The following SLC5A10 variants were observed in gnomAD, a reference collection of about 807,000 sequenced individuals.
The protein encoded by SLC5A10 is solute carrier family 5 member 10, also known as sodium/mannose cotransporter SLC5A10.
A neutral mutation model predicts 68.9 loss-of-function variants in SLC5A10; 55 were observed. That is an observed-to-expected ratio of 0.80 (90% CI 0.64 to 1.00). The LOEUF is 1.00. SLC5A10 is among the 50% of genes least tolerant of loss of function. SLC5A10 has a pLI of 0.00. For missense variants in SLC5A10, 732 were observed against 819.3 expected (o/e 0.89, Z 1.30); for synonymous variants, 344 against 344.8 (o/e 1.00, Z 0.02).
chr17:18,999,008 G>A (rs1347050903), intron 9 of SLC5A10, among the ~76,000 whole-genome samples: 3 of 152,210 alleles, frequency 2.0e-5, no homozygotes, highest in South Asian at 2.1e-4. Context: ...TGCCAGGCAC[G>A]GTGGCTCATG....
chr17:19,016,265 C>T (rs2152159100), intron 11 of SLC5A10, among the ~76,000 whole-genome samples: 1 of 152,198 alleles, frequency 6.6e-6, no homozygotes, highest in South Asian at 2.1e-4. Context: ...AGGCTGGTCT[C>T]GAACTCCTGA....
intron 9 of SLC5A10, among the ~76,000 whole-genome samples, chr17:18,994,877 T>G (rs1054904856): frequency 6.6e-6 from 1 of 152,226 alleles, no homozygotes; most frequent in African/African-American, 2.4e-5. Context: ...ATCTATGTTC[T>G]ATTGTTTATA....
At chr17:19,015,245 G>A (rs1359516628) in intron 11 of SLC5A10, 46 bp downstream of exon 11, 3 of 1,147,100 alleles carry the variant, frequency 2.6e-6, no homozygotes, top group South Asian at 2.8e-5. Context: ...CACTACAAGG[G>A]TGGGCGCCCG....
chr17:18,952,157 T>G, upstream of SLC5A10: 1 of 1,581,720 alleles, frequency 6.3e-7, no homozygotes, highest in Non-Finnish European at 8.6e-7. Flanking sequence ...TGACCTGGTT[T>G]GCCCCTCAGT....
chr17:19,002,048 T>G (rs1412068444), intron 9 of SLC5A10, among the ~76,000 whole-genome samples: 1 of 152,174 alleles, frequency 6.6e-6, no homozygotes, highest in Non-Finnish European at 1.5e-5. Context: ...TCAGCAGCAC[T>G]TCCTCCACAC....
chr17:18,979,604 G>A, intron 9 of SLC5A10: 1 of 1,613,566 alleles, frequency 6.2e-7, no homozygotes, highest in Non-Finnish European at 8.5e-7. Context: ...TTCTGGGCCA[G>A]GGCACCCTTG....
rs761410107 is a variant in SLC5A10 at position 18,976,866 on chromosome 17, C to A, written c.859C>A (p.Arg287=). ...YWCTDQVIVQ[R]SLSARDLNHA... is the part of the protein sequence containing the mutation. ...ACTCCACCCCCAGGTCATCGTGCAG[C>A]GATCACTGTCAGCCCGGGACCTGAA... is the stretch of plus-strand genomic sequence containing the variant. Residue 287 remains arginine, a synonymous_variant, in exon 9 of 15, where the codon CGA becomes AGA. Transcript: ENST00000395645. 1 of 1,613,418 alleles carries A rather than the reference C, an allele frequency of 6.2e-7. No individual in the cohort carries two copies. Among genetic ancestry groups the A allele is most frequent in the Admixed American group, 1.7e-5 (1 of 60,014 alleles).
intron 1 of SLC5A10, among the ~76,000 whole-genome samples, chr17:18,955,985 G>C (rs541608537): frequency 6.6e-6 from 1 of 152,040 alleles, no homozygotes; most frequent in African/African-American, 2.4e-5. Flanking sequence ...ACCTGAGGTC[G>C]GGAGTCCAAG....
chr17:19,009,029 T>A (rs927614896), intron 9 of SLC5A10, among the ~76,000 whole-genome samples: 1 of 150,390 alleles, frequency 6.6e-6, no homozygotes, highest in African/African-American at 2.5e-5. Flanking sequence ...CCCAGGCTGG[T>A]CTCAAACTCC....
chr17:19,021,884 C>T lies in SLC5A10; in HGVS notation c.*1453C>T, dbSNP rs1421474548. The T allele has an allele frequency of 1.1e-5, 15 of 1,389,462 alleles. No individual in the cohort carries two copies. Among genetic ancestry groups the T allele is most frequent in the South Asian group, 7.8e-5 (5 of 63,954 alleles). 86.1% of individuals were successfully genotyped at this position (1,389,462 alleles called of 1,614,324 possible). A position where few individuals can be genotyped will look rare whatever the true frequency, so the allele number is the denominator to read the frequency against. ...TGAGCCCCGTGTGACTCTGACAGAG[C>T]TGGGGGTGTCCATGTCCTCTCTGGA... On this transcript the variant is annotated 3_prime_UTR_variant, in exon 15 of 15. Transcript: ENST00000395645. The surrounding 1 kb of genome is among the most constrained non-coding windows in gnomAD (Gnocchi z 4.1).
intron 1 of SLC5A10, 148 bp downstream of exon 1, chr17:18,952,464 T>C: frequency 1.0e-6 from 1 of 970,762 alleles, no homozygotes; most frequent in Non-Finnish European, 1.5e-6. Context: ...CAGCCTGGGG[T>C]AGACTTGCTT....
Position 19,003,435 on chromosome 17 carries a change from C to G in SLC5A10, c.983-9975C>G. ...TCCCTAGAAGCCCATGTTGGGCTCC[C>G]GTTTTGGGCTCTGAGTGAGCCTGTA... On this transcript the variant is annotated intron_variant, in intron 9 of 14. Coordinates refer to ENST00000395645, the MANE Select transcript of SLC5A10 (RefSeq NM_001042450.4). This position sits in a 1 kb window ranked among gnomAD's most constrained non-coding sequence, Gnocchi z 4.5. 1 of 1,390,530 alleles carries G rather than the reference C, an allele frequency of 7.2e-7. No homozygotes were observed. The highest frequency in any genetic ancestry group is 9.4e-7 in the Non-Finnish European group (1 of 1,059,148). 86.1% of individuals were successfully genotyped at this position (1,390,530 alleles called of 1,614,324 possible). A position where few individuals can be genotyped will look rare whatever the true frequency, so the allele number is the denominator to read the frequency against.
rs1363351134 is a variant in SLC5A10 at position 19,015,255 on chromosome 17, G to A, written c.1241+56G>A. 1.2e-5 allele frequency: 15 copies of A among 1,216,536 alleles called. No individual in the cohort carries two copies. The East Asian group carries it at 1.5e-4, about 12-fold the overall frequency. 75.4% of individuals were successfully genotyped at this position (1,216,536 alleles called of 1,614,324 possible). A position where few individuals can be genotyped will look rare whatever the true frequency, so the allele number is the denominator to read the frequency against. ...GGGAACACTACAAGGGTGGGCGCCC[G>A]CACTGACTTTGAGGGATGAGCCGGA... On this transcript the variant is annotated intron_variant, in intron 11 of 14. Transcript: ENST00000395645.
chr17:18,961,219 A>C (rs1247568423), intron 5 of SLC5A10, among the ~76,000 whole-genome samples: 1 of 152,160 alleles, frequency 6.6e-6, no homozygotes, highest in African/African-American at 2.4e-5. Flanking sequence ...AGGGAAACTA[A>C]GGCCCAGAGA....
intron 11 of SLC5A10, among the ~76,000 whole-genome samples, chr17:19,015,982 A>G (rs955441111): frequency 2.6e-5 from 4 of 151,454 alleles, no homozygotes; most frequent in East Asian, 1.9e-4. Context: ...ACTGTACCCA[A>G]TGTGTAGTCT....
At chr17:19,002,407 G>A (rs572355102) in intron 9 of SLC5A10, among the ~76,000 whole-genome samples, 9 of 152,312 alleles carry the variant, frequency 5.9e-5, no homozygotes, top group African/African-American at 1.4e-4. Context: ...CTTGACCCAC[G>A]TCTGGTTTCT....
chr17:19,001,985 G>C (rs1015410091), intron 9 of SLC5A10, among the ~76,000 whole-genome samples: 1 of 152,206 alleles, frequency 6.6e-6, no homozygotes, highest in Non-Finnish European at 1.5e-5. Flanking sequence ...CAGGCTCTCT[G>C]TGGGGACTGG....
intron 1 of SLC5A10, among the ~76,000 whole-genome samples, chr17:18,952,844 C>T (rs1331639363): frequency 6.6e-6 from 1 of 152,138 alleles, no homozygotes; most frequent in East Asian, 1.9e-4. Context: ...GAGAAATGAG[C>T]AGAGATCTGA....
intron 9 of SLC5A10, among the ~76,000 whole-genome samples, chr17:18,994,683 G>C (rs976212112): frequency 1.3e-5 from 2 of 152,146 alleles, no homozygotes; most frequent in African/African-American, 4.8e-5. Context: ...GGTCCTGCAG[G>C]GGGTGTCCTC....
Sources: allele counts gnomAD v4.1 joint callset (sites outside exome capture counted in the v4.1 genomes callset), GRCh38; gene constraint gnomAD v4.1.1; non-coding constraint Gnocchi (gnomAD v3.1); transcripts MANE v1.5; gene names NCBI Gene and HGNC (gene_info 2026-07-23, HGNC 2026-07-21).